PVT1: variants seen among roughly 807,000 people sequenced by gnomAD.
PVT1 encodes the protein Pvt1 oncogene, also known as CXCR4/PVT1 fusion.
At chr8:127,976,140 G>A (rs901140871) in intron 3 of PVT1, among the ~76,000 whole-genome samples, 3 of 152,152 alleles carry the variant, frequency 2.0e-5, no homozygotes, top group African/African-American at 7.2e-5. Flanking sequence ...ATAAAAGGAT[G>A]GGAGTTAGAA....
intron 2 of PVT1, among the ~76,000 whole-genome samples, chr8:127,859,093 C>T (rs1295209847): frequency 6.6e-6 from 1 of 152,070 alleles, no homozygotes; most frequent in Non-Finnish European, 1.5e-5. Flanking sequence ...CCAGCATAAG[C>T]CACCACACCT....
chr8:128,046,864 T>C (rs11775301), intron 4 of PVT1, among the ~76,000 whole-genome samples: 77,636 of 152,130 alleles, frequency 0.51, 20,401 homozygotes, highest in Middle Eastern at 0.62. Context: ...TCTCCATCTC[T>C]AATCACGTAG....
chr8:127,970,294 T>G (rs1339847383), intron 3 of PVT1, among the ~76,000 whole-genome samples: 2 of 115,710 alleles, frequency 1.7e-5, no homozygotes, highest in Admixed American at 9.0e-5. Context: ...GATTTGTTTT[T>G]TTTTTTTTTT....
intron 2 of PVT1, among the ~76,000 whole-genome samples, chr8:127,809,692 G>C (rs1296689528): frequency 6.6e-6 from 1 of 152,170 alleles, no homozygotes; most frequent in African/African-American, 2.4e-5. Context: ...AAAAGGAAAA[G>C]GTCCTCTGTA....
intron 2 of PVT1, among the ~76,000 whole-genome samples, chr8:127,859,138 T>G (rs1815193392): frequency 6.6e-6 from 1 of 152,054 alleles, no homozygotes; most frequent in South Asian, 2.1e-4. Context: ...CACTCTTAAG[T>G]GAGATAAATT....
intron 4 of PVT1, among the ~76,000 whole-genome samples, chr8:128,041,411 GTGTT>G (rs1281253103): frequency 1.0e-4 from 15 of 150,180 alleles, no homozygotes; most frequent in African/African-American, 2.5e-4. Context: ...GTGTGCATGT[GTGTT>G]TGTGCTCGTG....
chr8:127,919,672 G>T (rs1369601329), intron 3 of PVT1, among the ~76,000 whole-genome samples: 1 of 152,168 alleles, frequency 6.6e-6, no homozygotes, highest in Non-Finnish European at 1.5e-5. Context: ...TGGAAGAGCT[G>T]CCTGGCCTCT....
chr8:128,034,313 G>C (rs937499452), intron 4 of PVT1, among the ~76,000 whole-genome samples: 9 of 152,244 alleles, frequency 5.9e-5, no homozygotes, highest in Non-Finnish European at 1.0e-4. Flanking sequence ...GCAAGGACTG[G>C]TATTCTCTTC....
At chr8:127,973,824 A>G (rs1419742832) in intron 3 of PVT1, among the ~76,000 whole-genome samples, 2 of 151,746 alleles carry the variant, frequency 1.3e-5, no homozygotes, top group Non-Finnish European at 2.9e-5. Flanking sequence ...CTAAAAATAC[A>G]AAAAAATTAG....
chr8:127,992,063 C>G (rs1817047956), intron 4 of PVT1, among the ~76,000 whole-genome samples: 2 of 135,852 alleles, frequency 1.5e-5, no homozygotes, highest in African/African-American at 5.4e-5. Flanking sequence ...AAACTTCTCT[C>G]TTTCTTAAAA....
intron 3 of PVT1, among the ~76,000 whole-genome samples, chr8:127,958,637 G>A (rs141148556): frequency 6.6e-6 from 1 of 152,182 alleles, no homozygotes; most frequent in African/African-American, 2.4e-5. Context: ...AGAGGAGAAA[G>A]TCAGGCGCCA....
At chr8:128,003,225 C>G (rs1817204899) in intron 4 of PVT1, among the ~76,000 whole-genome samples, 2 of 140,146 alleles carry the variant, frequency 1.4e-5, no homozygotes, top group Admixed American at 7.2e-5. Flanking sequence ...CTCCCTCCCT[C>G]CCTTTCTTCC....
intron 2 of PVT1, among the ~76,000 whole-genome samples, chr8:127,872,893 CCCTTG>C (rs1815368134): frequency 6.6e-6 from 1 of 152,214 alleles, no homozygotes; most frequent in South Asian, 2.1e-4. Flanking sequence ...CCACGCCTGC[CCCTTG>C]CTTCAGATCT....
At chr8:128,044,011 ATTTAT>A (rs1233603238) in intron 4 of PVT1, among the ~76,000 whole-genome samples, 29 of 97,948 alleles carry the variant, frequency 3.0e-4, no homozygotes, top group African/African-American at 7.4e-4. Context: ...ATTATTATTT[ATTTAT>A]TTTTTTTTTT....
intron 4 of PVT1, among the ~76,000 whole-genome samples, chr8:128,002,283 A>T (rs1586476069): frequency 6.6e-6 from 1 of 152,134 alleles, no homozygotes; most frequent in Middle Eastern, 3.2e-3. Context: ...CATGGGCATG[A>T]TCATTGTGAT....
At chr8:127,803,723 G>T (rs952017828) in intron 2 of PVT1, among the ~76,000 whole-genome samples, 26 of 141,904 alleles carry the variant, frequency 1.8e-4, no homozygotes, top group African/African-American at 6.2e-4. Context: ...TGTCTCTACA[G>T]TTTTTTTTTT....
At chr8:127,848,712 A>C (rs1011442474) in intron 2 of PVT1, among the ~76,000 whole-genome samples, 2 of 152,158 alleles carry the variant, frequency 1.3e-5, no homozygotes, top group South Asian at 4.1e-4. Context: ...CAAACAAAAA[A>C]GGCCAACAAA....
intron 5 of PVT1, among the ~76,000 whole-genome samples, chr8:128,095,769 T>A (rs1356614302): frequency 2.0e-5 from 3 of 152,252 alleles, no homozygotes; most frequent in Admixed American, 6.5e-5. Flanking sequence ...TTCCCTTGTT[T>A]GTTAGCGTTG....
At chr8:127,844,127 C>T (rs1257965584) in intron 2 of PVT1, among the ~76,000 whole-genome samples, 2 of 151,912 alleles carry the variant, frequency 1.3e-5, no homozygotes, top group East Asian at 1.9e-4. Flanking sequence ...GGACTACAGG[C>T]GCCCACCACC....
Sources: gnomAD v4.1 joint callset for allele counts (sites outside exome capture counted in the v4.1 genomes callset) on GRCh38, gnomAD v4.1.1 for gene constraint, MANE v1.5 for transcripts, NCBI Gene and HGNC (gene_info 2026-07-23, HGNC 2026-07-21) for gene names.